DGKB: variants seen among roughly 807,000 people sequenced by gnomAD.
DGKB encodes diacylglycerol kinase beta, also known as 90 kDa diacylglycerol kinase.
In DGKB, 67 loss-of-function variants were observed where a neutral mutation model predicts 114.3. The ratio of observed to expected loss-of-function variants is 0.59; its 90% CI spans 0.48 to 0.72. The LOEUF (loss-of-function observed/expected upper bound fraction) is 0.72. DGKB is among the 30% of genes least tolerant of loss of function. The pLI is 0.00. For missense variants in DGKB, 907 were observed against 975.2 expected (o/e 0.93, Z 0.93); for synonymous variants, 398 against 323.1 (o/e 1.23, Z -2.49).
intron 20 of DGKB, among the ~76,000 whole-genome samples, chr7:14,503,984 G>A (rs1786617917): frequency 6.6e-6 from 1 of 152,144 alleles, no homozygotes; most frequent in African/African-American, 2.4e-5. Context: ...AATGTACTGT[G>A]TAAGCACTAA....
intron 21 of DGKB, among the ~76,000 whole-genome samples, chr7:14,471,709 C>G (rs192533700): frequency 1.5e-3 from 232 of 151,976 alleles, no homozygotes; most frequent in Admixed American, 2.6e-3. Flanking sequence ...ACTCACTCTA[C>G]ATATCACAGT....
chr7:14,939,357 C>T (rs995473900), intron 1 of DGKB, among the ~76,000 whole-genome samples: 1 of 152,092 alleles, frequency 6.6e-6, no homozygotes, highest in African/African-American at 2.4e-5. Context: ...GTGCTTATCG[C>T]ATTATCAAAT....
chr7:14,691,030 C>T (rs1315497412), intron 9 of DGKB, among the ~76,000 whole-genome samples: 7 of 152,154 alleles, frequency 4.6e-5, no homozygotes, highest in Admixed American at 2.6e-4. Flanking sequence ...ATGGCTCTTG[C>T]TCTCTGCTAT....
At chr7:14,366,427 A>G (rs1236433243) in intron 21 of DGKB, among the ~76,000 whole-genome samples, 1 of 152,164 alleles carries the variant, frequency 6.6e-6, no homozygotes, top group African/African-American at 2.4e-5. Context: ...CTCAGAAGCT[A>G]GTTAATGCAT....
At chr7:14,616,724 A>G (rs780437605) in intron 15 of DGKB, among the ~76,000 whole-genome samples, 5 of 151,844 alleles carry the variant, frequency 3.3e-5, no homozygotes, top group African/African-American at 4.8e-5. Flanking sequence ...CCTGCTCTCA[A>G]TCTCCCATGA....
At chr7:14,168,280 A>T (rs112233369) in intron 25 of DGKB, among the ~76,000 whole-genome samples, 1 of 152,206 alleles carries the variant, frequency 6.6e-6, no homozygotes, top group Admixed American at 6.5e-5. Flanking sequence ...AAAATATAGA[A>T]GGAAATAAAA....
At chr7:14,348,106 C>T (rs538866340) in intron 21 of DGKB, among the ~76,000 whole-genome samples, 2 of 151,882 alleles carry the variant, frequency 1.3e-5, no homozygotes, top group Non-Finnish European at 2.9e-5. Context: ...AGAACAGTCC[C>T]GTCACCACAA....
intron 22 of DGKB, among the ~76,000 whole-genome samples, chr7:14,340,765 C>G (rs1459285029): frequency 1.3e-5 from 2 of 151,662 alleles, no homozygotes; most frequent in Non-Finnish European, 2.9e-5. Context: ...CTGGCTTCCC[C>G]CAAACTGACT....
In DGKB at chr7:14,153,288, G is replaced by A. The variant is rs190818643; in HGVS notation, c.2305-4050C>T. ...CCTTTCTTTTGTTATCTGAACAACCGCTCGACATCCTTTCCATAAGCATTT... is the reference window on the plus strand; with the variant it reads ...CCTTTCTTTTGTTATCTGAACAACCACTCGACATCCTTTCCATAAGCATTT... On this transcript the variant is annotated intron_variant, in intron 25 of 25. Coordinates refer to ENST00000402815, the MANE Select transcript of DGKB (RefSeq NM_001350709.2). Among the ~76,000 whole-genome samples the A allele has an allele frequency of 3.0e-3, 451 of 152,050 alleles. 2 individuals are homozygous for A. Among genetic ancestry groups the A allele is most frequent in the African/African-American group, 0.01 (432 of 41,504 alleles).
intron 1 of DGKB, among the ~76,000 whole-genome samples, chr7:14,872,314 A>T (rs1852593667): frequency 2.0e-5 from 3 of 152,218 alleles, no homozygotes; most frequent in African/African-American, 7.2e-5. Flanking sequence ...CAAATAAATG[A>T]TTAAAACATT....
At chr7:14,392,154 C>G (rs1821423110) in intron 21 of DGKB, among the ~76,000 whole-genome samples, 1 of 152,100 alleles carries the variant, frequency 6.6e-6, no homozygotes, top group African/African-American at 2.4e-5. Flanking sequence ...TACCAACTGA[C>G]TTGGAGGTAT....
intron 1 of DGKB, among the ~76,000 whole-genome samples, chr7:14,876,888 A>T (rs1394127029): frequency 6.6e-6 from 1 of 152,222 alleles, no homozygotes; most frequent in African/African-American, 2.4e-5. Context: ...ATTCCAAATT[A>T]CTTTTCTTAT....
At chr7:14,371,692 G>A (rs368373941) in intron 21 of DGKB, among the ~76,000 whole-genome samples, 1 of 152,070 alleles carries the variant, frequency 6.6e-6, no homozygotes, top group East Asian at 1.9e-4. Context: ...GGTCCCACTT[G>A]ATAATTTTTG....
intron 1 of DGKB, among the ~76,000 whole-genome samples, chr7:14,928,650 C>A (rs1043809611): frequency 6.6e-6 from 1 of 151,576 alleles, no homozygotes; most frequent in Admixed American, 6.6e-5. Context: ...TGTGTATGTT[C>A]ATTTTTTATT....
intron 21 of DGKB, among the ~76,000 whole-genome samples, chr7:14,383,358 C>A (rs1005445483): frequency 6.6e-6 from 1 of 152,154 alleles, no homozygotes; most frequent in African/African-American, 2.4e-5. Flanking sequence ...TATTTAGAAT[C>A]AGTTTTAAAC....
chr7:14,786,480 G>T (rs1196177071), intron 2 of DGKB, among the ~76,000 whole-genome samples: 1 of 152,208 alleles, frequency 6.6e-6, no homozygotes, highest in East Asian at 1.9e-4. Flanking sequence ...TGGCTGCAGT[G>T]GGGAGGCATG....
intron 21 of DGKB, among the ~76,000 whole-genome samples, chr7:14,366,844 A>T (rs1816758101): frequency 6.6e-6 from 1 of 152,146 alleles, no homozygotes; most frequent in Non-Finnish European, 1.5e-5. Context: ...ATACGTTCTT[A>T]ATTATATACT....
At chr7:14,700,135 T>G (rs1487011024) in intron 7 of DGKB, among the ~76,000 whole-genome samples, 1 of 152,014 alleles carries the variant, frequency 6.6e-6, no homozygotes, top group Non-Finnish European at 1.5e-5. Flanking sequence ...AATGAGCAAA[T>G]TTATTATGTA....
intron 1 of DGKB, among the ~76,000 whole-genome samples, chr7:14,888,272 A>G (rs1780630276): frequency 6.6e-6 from 1 of 151,774 alleles, no homozygotes; most frequent in South Asian, 2.1e-4. Context: ...CTCCAAAGGT[A>G]GGCATGATAC....
Sources: gnomAD v4.1 joint callset for allele counts (sites outside exome capture counted in the v4.1 genomes callset) on GRCh38, gnomAD v4.1.1 for gene constraint, MANE v1.5 for transcripts, NCBI Gene and HGNC (gene_info 2026-07-23, HGNC 2026-07-21) for gene names.